The following CHD9 variants were observed in gnomAD, a reference collection of about 807,000 sequenced individuals.
The protein encoded by CHD9 is ATP-dependent chromatin remodeler CHD9.
CHD9 carries 77 observed loss-of-function variants against 316.1 expected under a neutral mutation model. The ratio of observed to expected loss-of-function variants is 0.24; its 90% CI spans 0.20 to 0.29. CHD9 has a LOEUF of 0.29. Ranked by LOEUF, CHD9 falls within the 10% of genes least tolerant of loss-of-function variation. The pLI, the probability that CHD9 is intolerant of heterozygous loss-of-function variation, is 1.00. For synonymous variants in CHD9, 1,129 were observed against 1,158.3 expected (o/e 0.97, Z 0.51); for missense variants, 2,763 against 3,438.1 (o/e 0.80, Z 4.91).
chr16:53,079,995 T>A (rs1165504455), intron 1 of CHD9, among the ~76,000 whole-genome samples: 1 of 152,206 alleles, frequency 6.6e-6, no homozygotes, highest in African/African-American at 2.4e-5. Flanking sequence ...ACCTCCTGAA[T>A]TTATAGCTGG....
In CHD9 at chr16:53,074,120, G is replaced by A. The variant is rs374229491; in HGVS notation, c.-165+19043G>A. Among the ~76,000 whole-genome samples, 22 of 152,340 alleles carry A rather than the reference G, an allele frequency of 1.4e-4. No homozygotes were observed. The East Asian group carries it at 4.2e-3, about 29-fold the overall frequency. On this transcript the variant is annotated intron_variant, in intron 1 of 38. Coordinates refer to ENST00000447540, the MANE Select transcript of CHD9 (RefSeq NM_001308319.2). Reference sequence around the variant, plus strand: ...GAGTTAAGGAACTTGTTGGGAACTGGAGCAAAGGTGACTCTTCTTTATGTT... The same window carrying A: ...GAGTTAAGGAACTTGTTGGGAACTGAAGCAAAGGTGACTCTTCTTTATGTT...
rs113183041 is a variant in CHD9, at chr16:53,070,843, C to T, written c.-165+15766C>T. On this transcript the variant is annotated intron_variant, in intron 1 of 38. Transcript: ENST00000447540. ...TGCTGGGATAACAGGCATGAGCCAC[C>T]GCACCTGGCCATATGTCTTTCTTTA... Among the ~76,000 whole-genome samples, 319 of 152,234 alleles carry T rather than the reference C, an allele frequency of 2.1e-3. 1 individual carries two copies. Among genetic ancestry groups the T allele is most frequent in the African/African-American group, 7.1e-3 (295 of 41,536 alleles).
rs557379389 is a variant in CHD9 at position 53,300,999 on chromosome 16, G to C, written c.5714-2721G>C. On this transcript the variant is annotated intron_variant, in intron 30 of 38. Transcript: ENST00000447540. ...GAGGCACGAGAATCACTTGAGCCTG[G>C]GAGGCGGAGGTTGCAGTGAGCCAAG... Among the ~76,000 whole-genome samples the C allele has an allele frequency of 6.6e-4, 101 of 152,250 alleles. 1 individual carries two copies. In the East Asian group the frequency reaches 0.011, roughly 16 times the overall value.
intron 30 of CHD9, among the ~76,000 whole-genome samples, chr16:53,303,466 A>G (rs535238950): frequency 1.3e-5 from 2 of 152,232 alleles, no homozygotes; most frequent in South Asian, 4.1e-4. Context: ...CCAGTATTTT[A>G]TGTTACATGA....
chr16:53,159,387 T>TA (rs925594383), intron 2 of CHD9, among the ~76,000 whole-genome samples: 43 of 152,196 alleles, frequency 2.8e-4, no homozygotes, highest in Non-Finnish European at 5.7e-4. Flanking sequence ...ACTTTTATAA[T>TA]AAAAAATTAA....
chr16:53,264,972 TAAAC>T (rs779014386), intron 20 of CHD9, among the ~76,000 whole-genome samples: 17 of 152,306 alleles, frequency 1.1e-4, no homozygotes, highest in Non-Finnish European at 2.1e-4. Context: ...ATTTTGTAAA[TAAAC>T]TTATATAAGC....
At chr16:53,278,018 A>G (rs2053024583) in intron 24 of CHD9, among the ~76,000 whole-genome samples, 1 of 152,096 alleles carries the variant, frequency 6.6e-6, no homozygotes, top group Admixed American at 6.5e-5. Context: ...TAGCCAGAAA[A>G]AAAAAAAAGG....
intron 1 of CHD9, among the ~76,000 whole-genome samples, chr16:53,129,528 A>G (rs1171509343): frequency 6.6e-6 from 1 of 152,246 alleles, no homozygotes; most frequent in Non-Finnish European, 1.5e-5. Flanking sequence ...TTCATGGGGA[A>G]TATAAAGAAT....
chr16:53,131,481 G>A (rs1272937881), intron 1 of CHD9, among the ~76,000 whole-genome samples: 1 of 145,874 alleles, frequency 6.9e-6, no homozygotes, highest in Non-Finnish European at 1.5e-5. Context: ...GGCCCAGCCC[G>A]CCCGCGGCCC....
At chr16:53,267,233 G>A in intron 20 of CHD9, 61 bp from the exon 21 acceptor site, 1 of 1,122,148 alleles carries the variant, frequency 8.9e-7, no homozygotes, top group South Asian at 2.1e-5. Flanking sequence ...TAAAAATGTA[G>A]AACACTGTTG....
At chr16:53,276,699 TTC>T (rs1227625211) in intron 24 of CHD9, among the ~76,000 whole-genome samples, 1 of 152,122 alleles carries the variant, frequency 6.6e-6, no homozygotes, top group Non-Finnish European at 1.5e-5. Flanking sequence ...GGATCTTTTT[TTC>T]TCTCTCTCTT....
At chr16:53,300,465 A>G (rs1012273262) in intron 30 of CHD9, among the ~76,000 whole-genome samples, 2 of 152,234 alleles carry the variant, frequency 1.3e-5, no homozygotes, top group African/African-American at 4.8e-5. Flanking sequence ...TAACATAGGT[A>G]TTATAGAAGC....
intron 1 of CHD9, among the ~76,000 whole-genome samples, chr16:53,098,007 C>A (rs1266531833): frequency 6.6e-6 from 1 of 151,946 alleles, no homozygotes; most frequent in African/African-American, 2.4e-5. Flanking sequence ...GTAATCCCAG[C>A]TACTCAGGAG....
intron 1 of CHD9, among the ~76,000 whole-genome samples, chr16:53,134,965 G>A (rs1366403462): frequency 6.6e-6 from 1 of 152,178 alleles, no homozygotes; most frequent in Non-Finnish European, 1.5e-5. Context: ...CTTATGATCA[G>A]TTCAGTGAAA....
intron 1 of CHD9, among the ~76,000 whole-genome samples, chr16:53,132,440 T>G (rs931744801): frequency 6.6e-6 from 1 of 152,240 alleles, no homozygotes; most frequent in Non-Finnish European, 1.5e-5. Flanking sequence ...AAAGAAGGCT[T>G]ATCTTGTGTA....
At chr16:53,058,822 GT>G (rs1567497839) in intron 1 of CHD9, among the ~76,000 whole-genome samples, 2 of 152,090 alleles carry the variant, frequency 1.3e-5, no homozygotes, top group South Asian at 4.2e-4. Flanking sequence ...AGACATTTGG[GT>G]TTTTTGTTTT....
At position 53,146,415 on chromosome 16, in the gene CHD9, G is replaced by GTGTGTA. The variant is rs1224485632; in HGVS notation, c.-164-9510_-164-9509insGTGTAT. Among the ~76,000 whole-genome samples the GTGTGTA allele has an allele frequency of 1.7e-4, 11 of 64,450 alleles. 1 individual carries two copies. Among genetic ancestry groups the GTGTGTA allele is most frequent in the African/African-American group, 6.8e-4 (10 of 14,762 alleles). 42.3% of individuals were successfully genotyped at this position (64,450 alleles called of 152,430 possible). On this transcript the variant is annotated intron_variant, in intron 1 of 38. Coordinates refer to ENST00000447540, the MANE Select transcript of CHD9 (RefSeq NM_001308319.2). ...CAAAAAAAAAAAATTGTGTGTGTGT[G>GTGTGTA]TATGTATATATATATATATATAATT... is the stretch of plus-strand genomic sequence containing the variant.
chr16:53,308,000 G>A (rs1485670667), intron 33 of CHD9, 47 bp downstream of exon 33: 2 of 1,495,222 alleles, frequency 1.3e-6, no homozygotes, highest in East Asian at 2.5e-5. Flanking sequence ...ATTGCGGTGT[G>A]CAGCATGCTT....
chr16:53,321,437 G>T, intron 37 of CHD9, 89 bp from the exon 38 acceptor site: 1 of 1,404,730 alleles, frequency 7.1e-7, no homozygotes. Flanking sequence ...GTATTTTAAG[G>T]AAATAAACTC....
Sources: allele counts gnomAD v4.1 joint callset (sites outside exome capture counted in the v4.1 genomes callset), GRCh38; gene constraint gnomAD v4.1.1; transcripts MANE v1.5; gene names NCBI Gene and HGNC (gene_info 2026-07-23, HGNC 2026-07-21).